IKZF3: variants seen among roughly 807,000 people sequenced by gnomAD.
IKZF3 encodes zinc finger protein Aiolos.
In IKZF3, 10 loss-of-function variants were observed where a neutral mutation model predicts 49.0. The ratio of observed to expected loss-of-function variants is 0.20; its 90% confidence interval spans 0.13 to 0.35. IKZF3 has a LOEUF of 0.35. IKZF3 is among the 10% of genes least tolerant of loss of function. IKZF3 has a pLI of 1.00. For synonymous variants in IKZF3, 209 were observed against 228.2 expected (o/e 0.92, Z 0.76); for missense variants, 498 against 664.8 (o/e 0.75, Z 2.76).
chr17:39,855,696 T>C (rs977405417), intron 1 of IKZF3, among the ~76,000 whole-genome samples: 3 of 152,228 alleles, frequency 2.0e-5, no homozygotes, highest in Admixed American at 1.3e-4. Context: ...TATTGGCACA[T>C]GCCTGTAATC....
At chr17:39,779,809 T>C (rs1597983654) in intron 6 of IKZF3, among the ~76,000 whole-genome samples, 2 of 152,312 alleles carry the variant, frequency 1.3e-5, no homozygotes, top group East Asian at 3.9e-4. Context: ...TGTTTTCTCA[T>C]AAACACTTCG....
intron 6 of IKZF3, among the ~76,000 whole-genome samples, chr17:39,783,415 G>A (rs968281811): frequency 3.9e-5 from 6 of 152,074 alleles, no homozygotes; most frequent in East Asian, 1.9e-4. Flanking sequence ...TCTGCCTCCC[G>A]GGTTCAAGCA....
chr17:39,823,126 G>C (rs866806194), intron 3 of IKZF3, among the ~76,000 whole-genome samples: 83 of 152,300 alleles, frequency 5.4e-4, no homozygotes, highest in Admixed American at 6.5e-4. Context: ...ACTTCCTAGA[G>C]ACTTGTTGAA....
At chr17:39,843,594 CA>C (rs1428490022) in intron 1 of IKZF3, among the ~76,000 whole-genome samples, 1 of 152,116 alleles carries the variant, frequency 6.6e-6, no homozygotes, top group Non-Finnish European at 1.5e-5. Context: ...AACCCTCTGA[CA>C]TTTAAATAGC....
chr17:39,826,199 T>C (rs1396120438), intron 3 of IKZF3, among the ~76,000 whole-genome samples: 2 of 152,154 alleles, frequency 1.3e-5, no homozygotes, highest in East Asian at 3.8e-4. Flanking sequence ...TATGCCACCA[T>C]GCCTAGCTAA....
chr17:39,850,248 C>T (rs1165275980), intron 1 of IKZF3, among the ~76,000 whole-genome samples: 5 of 130,074 alleles, frequency 3.8e-5, no homozygotes, highest in Non-Finnish European at 8.0e-5. Flanking sequence ...ATAGTATATA[C>T]AATATATAGC....
chr17:39,831,381 AAAAG>A (rs1356471108), intron 2 of IKZF3, among the ~76,000 whole-genome samples: 2 of 152,326 alleles, frequency 1.3e-5, no homozygotes, highest in African/African-American at 2.4e-5. Flanking sequence ...TCTCAAAAAA[AAAAG>A]AAAGAAAGAA....
chr17:39,856,486 G>A (rs2063062322), intron 1 of IKZF3, among the ~76,000 whole-genome samples: 1 of 151,934 alleles, frequency 6.6e-6, no homozygotes, highest in South Asian at 2.1e-4. Context: ...TTGGCCAGCT[G>A]GTCACAAACT....
Position 39,807,215 on chromosome 17 carries a change from T to C in IKZF3, c.164-14282A>G, listed in dbSNP as rs185626272. Reference sequence around the variant, plus strand: ...TAACTAATATAGGGGTAGTTTCTTATAAAATTAAACATAAATTTACCATAC... The same window carrying C: ...TAACTAATATAGGGGTAGTTTCTTACAAAATTAAACATAAATTTACCATAC... On this transcript the variant is annotated intron_variant, in intron 3 of 7. Transcript: ENST00000346872. Among the ~76,000 whole-genome samples the C allele has an allele frequency of 1.2e-4, 18 of 152,258 alleles. No individual in the cohort carries two copies. The East Asian group carries it at 3.5e-3, about 29-fold the overall frequency.
chr17:39,823,046 T>C (rs551622981), intron 3 of IKZF3, among the ~76,000 whole-genome samples: 1 of 151,974 alleles, frequency 6.6e-6, no homozygotes, highest in African/African-American at 2.4e-5. Flanking sequence ...GACAGAAAAA[T>C]GTGGGAAAGT....
chr17:39,851,318 C>A (rs753756075), intron 1 of IKZF3, among the ~76,000 whole-genome samples: 2 of 151,920 alleles, frequency 1.3e-5, no homozygotes, highest in Non-Finnish European at 2.9e-5. Context: ...CGTGAGCCAG[C>A]GTGCCTGGCC....
Position 39,864,228 on chromosome 17 carries a change from G to GCCA in IKZF3, c.-103_-102insTGG. The stretch of plus-strand genomic sequence containing the variant: ...AGCGCGCAGCTGGCGGGAGATTCCC[G>GCCA]GCGCGGGGAGTCCCCGGGATCCGGC... On this transcript the variant is annotated 5_prime_UTR_variant, in exon 1 of 8. Coordinates refer to ENST00000346872, the MANE Select transcript of IKZF3 (RefSeq NM_012481.5). The GCCA allele has an allele frequency of 1.5e-6, 2 of 1,372,618 alleles. No homozygotes were observed. The highest frequency in any genetic ancestry group is 2.0e-6 in the Non-Finnish European group (2 of 1,003,492). The allele number at this position is 1,372,618 out of a possible 1,614,324, so 85.0% of individuals were successfully genotyped here. A position where few individuals can be genotyped will look rare whatever the true frequency, so the allele number is the denominator to read the frequency against.
intron 3 of IKZF3, among the ~76,000 whole-genome samples, chr17:39,803,027 G>T (rs1041121379): frequency 6.4e-4 from 98 of 152,140 alleles, no homozygotes; most frequent in African/African-American, 2.1e-3. Flanking sequence ...TAATTTCAGT[G>T]CAATTCTTTG....
chr17:39,768,934 C>CT (rs2060366052), intron 7 of IKZF3, among the ~76,000 whole-genome samples: 1 of 152,120 alleles, frequency 6.6e-6, no homozygotes, highest in Non-Finnish European at 1.5e-5. Flanking sequence ...AGACTAAGAT[C>CT]CCTTCCCCCT....
At chr17:39,818,931 T>C (rs763980151) in intron 3 of IKZF3, among the ~76,000 whole-genome samples, 9 of 146,850 alleles carry the variant, frequency 6.1e-5, no homozygotes, top group African/African-American at 1.0e-4. Context: ...CTTTTCTCTT[T>C]CCCAAATTAT....
At chr17:39,833,368 C>T (rs2062170809) in intron 1 of IKZF3, among the ~76,000 whole-genome samples, 1 of 152,106 alleles carries the variant, frequency 6.6e-6, no homozygotes, top group Non-Finnish European at 1.5e-5. Flanking sequence ...AGATACAGAA[C>T]ATTACCATCA....
At position 39,847,315 on chromosome 17, in the gene IKZF3, G is replaced by A. The variant is rs184687982; in HGVS notation, c.8-15164C>T. On this transcript the variant is annotated intron_variant, in intron 1 of 7. Transcript: ENST00000346872. Reference sequence around the variant, plus strand: ...CCGATGAAATTAGCATATTAGAATCGAAATTATTATCATAACTAGCTTACC... The same window carrying A: ...CCGATGAAATTAGCATATTAGAATCAAAATTATTATCATAACTAGCTTACC... Among the ~76,000 whole-genome samples, 56 of 152,138 alleles carry A rather than the reference G, an allele frequency of 3.7e-4. 1 individual carries two copies. The highest frequency in any genetic ancestry group is 7.2e-4 in the Admixed American group (11 of 15,272).
intron 4 of IKZF3, among the ~76,000 whole-genome samples, chr17:39,792,429 C>T (rs2061048361): frequency 6.6e-6 from 1 of 152,182 alleles, no homozygotes; most frequent in Non-Finnish European, 1.5e-5. Context: ...AAGTATTTGG[C>T]TGACCTAGAA....
At chr17:39,863,632 G>C (rs2063276829) in intron 1 of IKZF3, among the ~76,000 whole-genome samples, 2 of 152,166 alleles carry the variant, frequency 1.3e-5, no homozygotes, top group African/African-American at 2.4e-5. Context: ...GGGTAAAGAA[G>C]ACTCATTAGA....
Sources: gnomAD v4.1 joint callset for allele counts (sites outside exome capture counted in the v4.1 genomes callset) on GRCh38, gnomAD v4.1.1 for gene constraint, MANE v1.5 for transcripts, NCBI Gene and HGNC (gene_info 2026-07-23, HGNC 2026-07-21) for gene names.